The following UBE3A variants were observed in gnomAD, a reference collection of about 807,000 sequenced individuals.
The protein encoded by UBE3A is ubiquitin-protein ligase E3A.
In UBE3A, 6 loss-of-function variants were observed where a neutral mutation model predicts 83.4. The ratio of observed to expected loss-of-function variants is 0.07; its 90% CI spans 0.04 to 0.14. The LOEUF (loss-of-function observed/expected upper bound fraction) is 0.14, where lower values mean the gene tolerates loss of function less well. UBE3A is among the 10% of genes least tolerant of loss of function. The probability of loss-of-function intolerance (pLI) is 1.00; values close to 1 mark genes in which losing one functional copy is unlikely to be tolerated. For synonymous variants in UBE3A, 337 were observed against 355.4 expected (o/e 0.95, Z 0.58); for missense variants, 456 against 1,036.1 (o/e 0.44, Z 7.69).
intron 11 of UBE3A, among the ~76,000 whole-genome samples, chr15:25,343,023 C>T (rs1212328698): frequency 6.6e-6 from 1 of 151,924 alleles, no homozygotes; most frequent in Non-Finnish European, 1.5e-5. Context: ...AAAGAGTCTT[C>T]ATTAAGCTAC....
rs1446392769 is a variant in UBE3A at position 25,340,183 on chromosome 15, T to A, written c.2400A>T (p.Arg800Ser). The A allele has an allele frequency of 6.2e-7, 1 of 1,613,742 alleles. No individual in the cohort carries two copies. Among genetic ancestry groups the A allele is most frequent in the East Asian group, 2.2e-5 (1 of 44,864 alleles). The change falls in exon 12 of 13, where the codon AGA becomes AGT. Residue 800 changes from arginine (R) to serine (S), a missense_variant. Arg to Ser is a moderately radical substitution (Grantham distance 110). Coordinates refer to ENST00000648336, the MANE Select transcript of UBE3A (RefSeq NM_130839.5). Reference protein sequence around the residue: ...IVHSFTDEQKRLFLQFTTGTD... With the variant: ...IVHSFTDEQKSLFLQFTTGTD... ...TGCCCGTTGTAAACTGCAAGAAGAG[T>A]CTTTTCTGTTCATCTGTAAATGAAT... is the stretch of plus-strand genomic sequence containing the variant.
chr15:25,435,777 T>C (rs1348011923), intron 1 of UBE3A, among the ~76,000 whole-genome samples: 3 of 152,178 alleles, frequency 2.0e-5, no homozygotes, highest in Non-Finnish European at 4.4e-5. Flanking sequence ...CTAAGACATC[T>C]AGTAACACAT....
At chr15:25,384,532 GA>G (rs904589528) in intron 4 of UBE3A, among the ~76,000 whole-genome samples, 17 of 151,374 alleles carry the variant, frequency 1.1e-4, no homozygotes, top group African/African-American at 3.6e-4. Flanking sequence ...CAAATAAATG[GA>G]AAGACATCCA....
rs1333060551 is a variant in UBE3A, at chr15:25,338,533, T to G, written c.*604A>C. Reference sequence around the variant, plus strand: ...CCTTCCATCTTTCTTTATTGATTGATTCTCAAGATTTTGCACAGAAAACTC... The same window carrying G: ...CCTTCCATCTTTCTTTATTGATTGAGTCTCAAGATTTTGCACAGAAAACTC... On this transcript the variant is annotated 3_prime_UTR_variant, in exon 13 of 13. Coordinates refer to ENST00000648336, the MANE Select transcript of UBE3A (RefSeq NM_130839.5). 2 of 152,094 alleles carry G rather than the reference T, an allele frequency of 1.3e-5. No individual in the cohort carries two copies. Among genetic ancestry groups the G allele is most frequent in the African/African-American group, 2.4e-5 (1 of 41,444 alleles). 9.4% of individuals were successfully genotyped at this position (152,094 alleles called of 1,614,324 possible). A position where few individuals can be genotyped will look rare whatever the true frequency, so the allele number is the denominator to read the frequency against.
In UBE3A at chr15:25,337,140, A is replaced by C. The variant is rs1293077668; in HGVS notation, c.*1997T>G. 2 of 152,156 alleles carry C rather than the reference A, an allele frequency of 1.3e-5. No individual in the cohort carries two copies. Among genetic ancestry groups the C allele is most frequent in the Non-Finnish European group, 2.9e-5 (2 of 68,012 alleles). 9.4% of individuals were successfully genotyped at this position (152,156 alleles called of 1,614,324 possible). On this transcript the variant is annotated 3_prime_UTR_variant, in exon 13 of 13. Coordinates refer to ENST00000648336, the MANE Select transcript of UBE3A (RefSeq NM_130839.5). ...GATGTGAACAACTCTATATCTGATA[A>C]CCTATTTCAATTACCACTTTAAAAC...
At chr15:25,347,970 A>G (rs1360572691) in intron 11 of UBE3A, among the ~76,000 whole-genome samples, 1 of 152,186 alleles carries the variant, frequency 6.6e-6, no homozygotes, top group East Asian at 1.9e-4. Flanking sequence ...TTTACAAGAG[A>G]TTCGTTTCAA....
At chr15:25,435,755 A>G (rs1026396384) in intron 1 of UBE3A, among the ~76,000 whole-genome samples, 1 of 152,180 alleles carries the variant, frequency 6.6e-6, no homozygotes, top group Admixed American at 6.5e-5. Context: ...TTGTAATAGC[A>G]GCCAGAACAG....
intron 1 of UBE3A, among the ~76,000 whole-genome samples, chr15:25,436,553 GGA>G (rs2153192317): frequency 6.6e-6 from 1 of 152,166 alleles, no homozygotes; most frequent in African/African-American, 2.4e-5. Context: ...TTTTTGGAGG[GGA>G]GAGGGAGGAG....
chr15:25,398,838 T>G, intron 4 of UBE3A, among the ~76,000 whole-genome samples: 1 of 136,024 alleles, frequency 7.4e-6, no homozygotes, highest in Non-Finnish European at 1.6e-5. Flanking sequence ...TATCCAAGTG[T>G]GACTGCTGAA....
At chr15:25,413,541 C>T (rs2090373326) in intron 1 of UBE3A, among the ~76,000 whole-genome samples, 1 of 152,134 alleles carries the variant, frequency 6.6e-6, no homozygotes, top group African/African-American at 2.4e-5. Context: ...AGTCCTCCTG[C>T]TTTAGTTTCT....
At chr15:25,348,171 G>GAT (rs778777431) in intron 11 of UBE3A, among the ~76,000 whole-genome samples, 1 of 151,788 alleles carries the variant, frequency 6.6e-6, no homozygotes, top group Non-Finnish European at 1.5e-5. Flanking sequence ...TGAACCAAAT[G>GAT]ATAGAGCCTC....
intron 6 of UBE3A, among the ~76,000 whole-genome samples, chr15:25,365,701 T>A (rs1432769606): frequency 6.8e-6 from 1 of 147,438 alleles, no homozygotes; most frequent in Non-Finnish European, 1.5e-5. Context: ...TGAGCCAAGA[T>A]TGCGCCACTG....
Position 25,370,431 on chromosome 15 carries a change from TTA to T in UBE3A, c.1608+133_1608+134del, listed in dbSNP as rs2152818881. The T allele has an allele frequency of 1.9e-6, 2 of 1,057,884 alleles. No individual in the cohort carries two copies. Among genetic ancestry groups the T allele is most frequent in the Non-Finnish European group, 2.9e-6 (2 of 690,810 alleles). The allele number at this position is 1,057,884 out of a possible 1,614,324, so 65.5% of individuals were successfully genotyped here. Reference sequence around the variant, plus strand: ...CACAGGAACAACAAAAGTATAATACTTATATAAGATCAGAAATGTCCATGTGT... The same window carrying T: ...CACAGGAACAACAAAAGTATAATACTTATAAGATCAGAAATGTCCATGTGT... On this transcript the variant is annotated intron_variant, in intron 6 of 12. Coordinates refer to ENST00000648336, the MANE Select transcript of UBE3A (RefSeq NM_130839.5). This position sits in a 1 kb window ranked among gnomAD's most constrained non-coding sequence, Gnocchi z 4.2.
At chr15:25,425,622 T>TA (rs1236190949) in intron 1 of UBE3A, among the ~76,000 whole-genome samples, 3 of 152,104 alleles carry the variant, frequency 2.0e-5, no homozygotes, top group Admixed American at 1.3e-4. Context: ...CCTCTACAGT[T>TA]AAACACACTT....
intron 2 of UBE3A, among the ~76,000 whole-genome samples, chr15:25,411,115 C>T (rs1008032892): frequency 6.6e-6 from 1 of 152,184 alleles, no homozygotes; most frequent in Non-Finnish European, 1.5e-5. Flanking sequence ...GCTCCAAGGC[C>T]AGGCTGGACT....
rs776844684 is a variant in UBE3A at position 25,371,572 on chromosome 15, T to C, written c.602A>G (p.Glu201Gly). The change falls in exon 6 of 13, where the codon GAA becomes GGA. Residue 201 changes from glutamate to glycine, a missense_variant. Around this residue, in one of 13 missense-constraint regions of UBE3A, gnomAD observed 42 missense variants for 41.8 expected, o/e 1.00. Coordinates refer to ENST00000648336, the MANE Select transcript of UBE3A (RefSeq NM_130839.5). This position sits in a 1 kb window ranked among gnomAD's most constrained non-coding sequence, Gnocchi z 5.3. ...TGAGGAAGATGCTTCTGAGTCTTCT[T>C]CCATAGCAGCAGCAGAACATGCAGC... ...EKAACSAAAM[E>G]EDSEASSSRI... 6.2e-7 allele frequency: 1 copy of C among 1,614,156 alleles called. No individual in the cohort carries two copies. Among genetic ancestry groups the C allele is most frequent in the Non-Finnish European group, 8.5e-7 (1 of 1,180,020 alleles).
intron 4 of UBE3A, among the ~76,000 whole-genome samples, chr15:25,388,410 A>AT (rs1375303033): frequency 6.6e-6 from 1 of 152,208 alleles, no homozygotes; most frequent in Admixed American, 6.5e-5. Context: ...ATGTGACAAA[A>AT]TTTAACACCC....
At chr15:25,360,037 G>A (rs1169093789) in intron 7 of UBE3A, among the ~76,000 whole-genome samples, 1 of 152,136 alleles carries the variant, frequency 6.6e-6, no homozygotes, top group Non-Finnish European at 1.5e-5. Context: ...AAGTTCACAG[G>A]TCAGGAAAAC....
chr15:25,341,678 G>C (rs2152527880), intron 11 of UBE3A, among the ~76,000 whole-genome samples: 1 of 148,432 alleles, frequency 6.7e-6, no homozygotes, highest in South Asian at 2.1e-4. Flanking sequence ...CAGAAGAATT[G>C]CTTGAACATG....
Sources: allele counts gnomAD v4.1 joint callset (sites outside exome capture counted in the v4.1 genomes callset), GRCh38; gene constraint gnomAD v4.1.1; regional missense constraint gnomAD v4.1.1; non-coding constraint Gnocchi (gnomAD v3.1); transcripts MANE v1.5; gene names NCBI Gene and HGNC (gene_info 2026-07-23, HGNC 2026-07-21).